The following FGF12 variants were observed in gnomAD, a reference collection of about 807,000 sequenced individuals.
FGF12 encodes fibroblast growth factor 12B.
In FGF12, 14 loss-of-function variants were observed where a neutral mutation model predicts 23.6. The observed-to-expected ratio is 0.59, with a 90% CI of 0.39 to 0.93. FGF12 has a LOEUF of 0.93. Among genes scored for constraint, FGF12 ranks in the 40% least tolerant of loss-of-function variants. The pLI is 0.00. For missense variants in FGF12, 175 were observed against 217.8 expected, an observed-to-expected ratio of 0.80 and a Z score of 1.24; for synonymous variants, 62 against 77.3, an observed-to-expected ratio of 0.80 and a Z score of 1.04.
chr3:192,575,430 A>G (rs115332152), intron 2 of FGF12, among the ~76,000 whole-genome samples: 2 of 152,350 alleles, frequency 1.3e-5, no homozygotes, highest in Non-Finnish European at 2.9e-5. Context: ...AGTTTGGAAT[A>G]AAGGACATTA....
chr3:192,229,005 G>A (rs1279165182), intron 4 of FGF12, among the ~76,000 whole-genome samples: 5 of 151,952 alleles, frequency 3.3e-5, no homozygotes, highest in Non-Finnish European at 7.4e-5. Context: ...CAGTTGATCA[G>A]ATAATTTCAG....
intron 4 of FGF12, among the ~76,000 whole-genome samples, chr3:192,279,254 A>AT (rs1713998088): frequency 4.9e-5 from 7 of 143,532 alleles, no homozygotes; most frequent in African/African-American, 1.0e-4. Context: ...ATATATATAT[A>AT]AAATGTACAT....
chr3:192,305,854 G>GTTTTTTT (rs755560177), intron 4 of FGF12, among the ~76,000 whole-genome samples: 50 of 77,460 alleles, frequency 6.5e-4, no homozygotes, highest in African/African-American at 1.3e-3. Context: ...CATCTCTCTG[G>GTTTTTTT]TTTTTTTTTT....
intron 2 of FGF12, among the ~76,000 whole-genome samples, chr3:192,450,610 C>T (rs1722495534): frequency 6.6e-6 from 1 of 152,136 alleles, no homozygotes; most frequent in Non-Finnish European, 1.5e-5. Context: ...CAAAAAGATG[C>T]TTTACTCTTT....
At chr3:192,683,835 G>A (rs1307752978) in intron 2 of FGF12, among the ~76,000 whole-genome samples, 1 of 152,148 alleles carries the variant, frequency 6.6e-6, no homozygotes, top group Non-Finnish European at 1.5e-5. Context: ...TGTAAACTGA[G>A]CCAAAACAGA....
chr3:192,461,833 A>C (rs1315256745), intron 2 of FGF12, among the ~76,000 whole-genome samples: 1 of 152,108 alleles, frequency 6.6e-6, no homozygotes, highest in Non-Finnish European at 1.5e-5. Context: ...TACTAAAAAT[A>C]CAAAAAATTA....
At chr3:192,205,987 C>T (rs941723441) in intron 4 of FGF12, among the ~76,000 whole-genome samples, 2 of 152,196 alleles carry the variant, frequency 1.3e-5, no homozygotes, top group Non-Finnish European at 2.9e-5. Context: ...ACAGCTCCTT[C>T]TCTGAGAGGG....
At chr3:192,446,547 A>G (rs1045549437) in intron 2 of FGF12, among the ~76,000 whole-genome samples, 1 of 152,232 alleles carries the variant, frequency 6.6e-6, no homozygotes, top group Admixed American at 6.5e-5. Context: ...ATGGCCTCGT[A>G]GAAGTTCTGC....
intron 2 of FGF12, among the ~76,000 whole-genome samples, chr3:192,695,850 G>A (rs992316349): frequency 6.6e-6 from 1 of 152,164 alleles, no homozygotes; most frequent in South Asian, 2.1e-4. Flanking sequence ...AGTGATACTA[G>A]TACTTTAGGA....
intron 2 of FGF12, among the ~76,000 whole-genome samples, chr3:192,567,697 A>G (rs1329210576): frequency 6.6e-6 from 1 of 150,864 alleles, no homozygotes; most frequent in Non-Finnish European, 1.5e-5. Flanking sequence ...CATAACTCCA[A>G]TCTCTGCCTC....
chr3:192,599,199 T>C (rs182444496), intron 2 of FGF12, among the ~76,000 whole-genome samples: 2,503 of 151,374 alleles, frequency 0.017, 73 homozygotes, highest in African/African-American at 0.058. Flanking sequence ...CCATGGCACG[T>C]GTATACCTAT....
chr3:192,360,309 T>C lies in FGF12; in HGVS notation c.124+119A>G. On this transcript the variant is annotated intron_variant, in intron 3 of 5. Coordinates refer to ENST00000445105, the MANE Select transcript of FGF12 (RefSeq NM_004113.6). The surrounding 1 kb of genome is among the most constrained non-coding windows in gnomAD (Gnocchi z 4.3). ...AAAGGAAAAGACACTAGCTTACTAATAGTTAAATAGTTTGAAAGGCATAGT... is the reference window on the plus strand; with the variant it reads ...AAAGGAAAAGACACTAGCTTACTAACAGTTAAATAGTTTGAAAGGCATAGT... 1.5e-6 allele frequency: 1 copy of C among 678,180 alleles called. No individual in the cohort carries two copies. The highest frequency in any genetic ancestry group is 2.6e-6 in the Non-Finnish European group (1 of 378,714). The allele number at this position is 678,180 out of a possible 1,614,324, so 42.0% of individuals were successfully genotyped here. A position where few individuals can be genotyped will look rare whatever the true frequency, so the allele number is the denominator to read the frequency against.
intron 2 of FGF12, among the ~76,000 whole-genome samples, chr3:192,609,424 G>A (rs1405342902): frequency 6.6e-6 from 1 of 152,114 alleles, no homozygotes; most frequent in East Asian, 1.9e-4. Context: ...AGGGTAGGAG[G>A]GAGGGATCAT....
chr3:192,309,648 T>C (rs1305237825), intron 4 of FGF12, among the ~76,000 whole-genome samples: 2 of 152,140 alleles, frequency 1.3e-5, no homozygotes, highest in African/African-American at 4.8e-5. Flanking sequence ...GGTGGAGGTA[T>C]ACTGGGTCTT....
At chr3:192,358,456 C>T (rs1718573099) in intron 3 of FGF12, among the ~76,000 whole-genome samples, 1 of 131,222 alleles carries the variant, frequency 7.6e-6, no homozygotes, top group Non-Finnish European at 1.5e-5. Context: ...ACTTATTTGA[C>T]ACAATGTGTG....
In FGF12 at chr3:192,170,682, A is replaced by T. The variant is rs745340612; in HGVS notation, c.229-26T>A. On this transcript the variant is annotated intron_variant, in intron 4 of 5. Transcript: ENST00000445105. ...CTGTAGGAAAAAAAAAAAAAGACAC[A>T]AAAAAGAGAAATGATTTAAAGGTGA... 20 of 1,557,588 alleles carry T rather than the reference A, an allele frequency of 1.3e-5. No homozygotes were observed. In the South Asian group the frequency reaches 2.4e-4, roughly 18 times the overall value.
intron 2 of FGF12, among the ~76,000 whole-genome samples, chr3:192,513,264 C>T (rs987105381): frequency 6.6e-6 from 1 of 152,116 alleles, no homozygotes; most frequent in African/African-American, 2.4e-5. Context: ...TAACATAAAG[C>T]CACTTCGTTT....
At chr3:192,454,040 T>C (rs116792384) in intron 2 of FGF12, among the ~76,000 whole-genome samples, 5 of 152,088 alleles carry the variant, frequency 3.3e-5, no homozygotes, top group Non-Finnish European at 5.9e-5. Context: ...TCTCCTTTTT[T>C]TTTTGTTTTG....
intron 2 of FGF12, among the ~76,000 whole-genome samples, chr3:192,722,644 T>C (rs1719075157): frequency 6.6e-6 from 1 of 152,166 alleles, no homozygotes; most frequent in African/African-American, 2.4e-5. Context: ...TCTCCCAACT[T>C]ACAATCTTCT....
Sources: gnomAD v4.1 joint callset for allele counts (sites outside exome capture counted in the v4.1 genomes callset) on GRCh38, gnomAD v4.1.1 for gene constraint, Gnocchi (gnomAD v3.1) non-coding constraint, MANE v1.5 for transcripts, NCBI Gene and HGNC (gene_info 2026-07-23, HGNC 2026-07-21) for gene names.